DLC1: variants seen among roughly 807,000 people sequenced by gnomAD.
The protein encoded by DLC1 is rho GTPase-activating protein 7.
In DLC1, 54 loss-of-function variants were observed where a neutral mutation model predicts 140.3. The observed-to-expected ratio is 0.38, with a 90% CI of 0.31 to 0.48. The LOEUF (loss-of-function observed/expected upper bound fraction) is 0.48, where lower values mean the gene tolerates loss of function less well. Ranked by LOEUF, DLC1 falls within the 20% of genes least tolerant of loss-of-function variation. The pLI is 0.96. For synonymous variants in DLC1, 986 were observed against 728.1 expected, an observed-to-expected ratio of 1.35 and a Z score of -5.70; for missense variants, 2,536 against 1,907.0, an observed-to-expected ratio of 1.33 and a Z score of -6.14.
At chr8:13,390,060 T>C (rs940372575) in intron 4 of DLC1, among the ~76,000 whole-genome samples, 2 of 152,178 alleles carry the variant, frequency 1.3e-5, no homozygotes, top group African/African-American at 4.8e-5. Flanking sequence ...AGCTCCAAAT[T>C]GTGGGAGAAA....
At chr8:13,310,054 T>C (rs550020718) in intron 4 of DLC1, among the ~76,000 whole-genome samples, 118 of 152,334 alleles carry the variant, frequency 7.7e-4, no homozygotes, top group Admixed American at 7.6e-3. Flanking sequence ...ATCAGGAACA[T>C]AGAATACTAA....
chr8:13,210,199 T>G (rs1331176889), intron 5 of DLC1, among the ~76,000 whole-genome samples: 1 of 152,230 alleles, frequency 6.6e-6, no homozygotes, highest in Admixed American at 6.5e-5. Context: ...TTTTTTAAAA[T>G]AGCTAACAAA....
intron 2 of DLC1, among the ~76,000 whole-genome samples, chr8:13,442,113 C>G (rs1306265660): frequency 1.3e-5 from 2 of 152,158 alleles, no homozygotes; most frequent in Admixed American, 1.3e-4. Context: ...AAAGGATTCC[C>G]TATTTAATAA....
intron 1 of DLC1, among the ~76,000 whole-genome samples, chr8:13,506,221 G>A (rs1181677252): frequency 1.3e-5 from 2 of 151,960 alleles, no homozygotes; most frequent in Non-Finnish European, 2.9e-5. Flanking sequence ...ATATGTATAT[G>A]TAAACACACA....
intron 5 of DLC1, among the ~76,000 whole-genome samples, chr8:13,266,090 T>C (rs1830678982): frequency 1.3e-5 from 2 of 152,368 alleles, no homozygotes; most frequent in South Asian, 4.1e-4. Flanking sequence ...AGGAAACTTT[T>C]CTCTGTCTTC....
At chr8:13,532,574 C>G (rs1486545005) in intron 1 of DLC1, among the ~76,000 whole-genome samples, 3 of 142,708 alleles carry the variant, frequency 2.1e-5, no homozygotes, top group African/African-American at 7.3e-5. Context: ...CAGGCTCTCT[C>G]TCTTTCTCTC....
intron 4 of DLC1, among the ~76,000 whole-genome samples, chr8:13,380,391 C>A (rs1013449548): frequency 6.6e-6 from 1 of 152,150 alleles, no homozygotes; most frequent in African/African-American, 2.4e-5. Context: ...TGTCGTCTGA[C>A]CATTTCATGT....
At chr8:13,542,246 G>A (rs976772013) in intron 1 of DLC1, among the ~76,000 whole-genome samples, 1 of 152,162 alleles carries the variant, frequency 6.6e-6, no homozygotes, top group Non-Finnish European at 1.5e-5. Flanking sequence ...GGTATAAAGA[G>A]CCAAGATTTT....
At chr8:13,250,942 G>T (rs150638579) in intron 5 of DLC1, among the ~76,000 whole-genome samples, 12 of 152,232 alleles carry the variant, frequency 7.9e-5, no homozygotes, top group African/African-American at 2.9e-4. Context: ...AGAAAATTCA[G>T]TGCATTGCTG....
At chr8:13,155,850 C>T (rs906279307) in intron 5 of DLC1, among the ~76,000 whole-genome samples, 1 of 152,106 alleles carries the variant, frequency 6.6e-6, no homozygotes, top group Non-Finnish European at 1.5e-5. Flanking sequence ...GCCGAAAGCT[C>T]ATAAAGTGAA....
At chr8:13,240,846 G>C (rs1421764595) in intron 5 of DLC1, among the ~76,000 whole-genome samples, 1 of 152,132 alleles carries the variant, frequency 6.6e-6, no homozygotes, top group African/African-American at 2.4e-5. Context: ...CTCCAAATGA[G>C]GAAAATATCT....
chr8:13,292,510 A>C (rs1178193747), intron 5 of DLC1, among the ~76,000 whole-genome samples: 2 of 152,228 alleles, frequency 1.3e-5, no homozygotes, highest in East Asian at 3.8e-4. Context: ...AAGTCATAAA[A>C]GAAGAAGGCC....
chr8:13,382,535 A>G (rs1464127856), intron 4 of DLC1, among the ~76,000 whole-genome samples: 1 of 146,758 alleles, frequency 6.8e-6, no homozygotes, highest in Non-Finnish European at 1.5e-5. Flanking sequence ...AAAAAAAAGA[A>G]AGAGGAGACA....
chr8:13,272,201 A>C (rs1830961364), intron 5 of DLC1, among the ~76,000 whole-genome samples: 1 of 152,190 alleles, frequency 6.6e-6, no homozygotes, highest in Non-Finnish European at 1.5e-5. Context: ...TAATCTCGGC[A>C]ATTTGCGAGG....
chr8:13,111,857 T>C (rs918917631), intron 6 of DLC1, among the ~76,000 whole-genome samples: 5 of 152,114 alleles, frequency 3.3e-5, no homozygotes, highest in African/African-American at 1.2e-4. Context: ...TAAAAAATTC[T>C]CTTTGGCTGG....
rs150348886 is a variant in DLC1 at position 13,433,415 on chromosome 8, G to C, written c.1024-31796C>G. Reference sequence around the variant, plus strand: ...TAAGGTAGTTACAGATCAAGAAAAAGCATGGATTAACAGCTAAACTTACCT... The same window carrying C: ...TAAGGTAGTTACAGATCAAGAAAAACCATGGATTAACAGCTAAACTTACCT... On this transcript the variant is annotated intron_variant, in intron 2 of 17. Coordinates refer to ENST00000276297, the MANE Select transcript of DLC1 (RefSeq NM_182643.3). Among the ~76,000 whole-genome samples the C allele has an allele frequency of 1.8e-3, 274 of 152,266 alleles. 2 individuals are homozygous for C. Among genetic ancestry groups the C allele is most frequent in the Non-Finnish European group, 1.9e-3 (129 of 68,020 alleles).
intron 4 of DLC1, among the ~76,000 whole-genome samples, chr8:13,322,801 A>AC (rs2116910959): frequency 6.6e-6 from 1 of 152,314 alleles, no homozygotes; most frequent in African/African-American, 2.4e-5. Flanking sequence ...ATGTGTCCAC[A>AC]AATTCTTTAA....
intron 1 of DLC1, among the ~76,000 whole-genome samples, chr8:13,580,413 G>A (rs1485805299): frequency 1.3e-5 from 2 of 152,172 alleles, no homozygotes; most frequent in African/African-American, 4.8e-5. Flanking sequence ...GAGCCACCGC[G>A]CCCGGCAGGT....
intron 5 of DLC1, among the ~76,000 whole-genome samples, chr8:13,185,775 T>A (rs1224732175): frequency 6.6e-6 from 1 of 152,198 alleles, no homozygotes; most frequent in African/African-American, 2.4e-5. Context: ...GTTTTTGCAG[T>A]GGTTGGTACT....
Sources: allele counts gnomAD v4.1 joint callset (sites outside exome capture counted in the v4.1 genomes callset), GRCh38; gene constraint gnomAD v4.1.1; transcripts MANE v1.5; gene names NCBI Gene and HGNC (gene_info 2026-07-23, HGNC 2026-07-21).